ADAMTS16: variants seen among roughly 807,000 people sequenced by gnomAD.
ADAMTS16 encodes ADAM metallopeptidase with thrombospondin type 1 motif 16, also known as A disintegrin and metalloproteinase with thrombospondin motifs 16.
A neutral mutation model predicts 145.8 loss-of-function variants in ADAMTS16; 94 were observed. The ratio of observed to expected loss-of-function variants is 0.64; its 90% CI spans 0.55 to 0.77. The LOEUF is 0.77. Ranked by LOEUF, ADAMTS16 falls within the 30% of genes least tolerant of loss-of-function variation. ADAMTS16 has a pLI of 0.00. For missense variants in ADAMTS16, 1,585 were observed against 1,591.5 expected (o/e 1.00, Z 0.07); for synonymous variants, 659 against 604.3 (o/e 1.09, Z -1.33).
intron 21 of ADAMTS16, among the ~76,000 whole-genome samples, chr5:5,309,015 T>C (rs1334134087): frequency 6.6e-6 from 1 of 152,014 alleles, no homozygotes; most frequent in Non-Finnish European, 1.5e-5. Context: ...TTATCCAGAT[T>C]GCTTTGTTAT....
chr5:5,197,503 G>A (rs1484296200), intron 8 of ADAMTS16, among the ~76,000 whole-genome samples: 1 of 152,146 alleles, frequency 6.6e-6, no homozygotes, highest in African/African-American at 2.4e-5. Context: ...ATGGATAAGA[G>A]GCGTCTCTGT....
chr5:5,230,074 A>G (rs1035702683), intron 11 of ADAMTS16, among the ~76,000 whole-genome samples: 1 of 152,134 alleles, frequency 6.6e-6, no homozygotes, highest in Non-Finnish European at 1.5e-5. Flanking sequence ...AACCTAACCA[A>G]TGCCTTAGAT....
chr5:5,247,444 G>A (rs1737481426), intron 17 of ADAMTS16, among the ~76,000 whole-genome samples: 1 of 152,150 alleles, frequency 6.6e-6, no homozygotes, highest in South Asian at 2.1e-4. Context: ...TATTCCTCAG[G>A]GGCCTGGGCT....
intron 18 of ADAMTS16, among the ~76,000 whole-genome samples, chr5:5,286,885 A>T (rs4701697): frequency 1.9e-5 from 1 of 52,190 alleles, no homozygotes; most frequent in African/African-American, 5.2e-5. Context: ...AAAAAAAAAG[A>T]GTTTTTATAA....
At chr5:5,246,103 A>C (rs867862128) in intron 17 of ADAMTS16, among the ~76,000 whole-genome samples, 1 of 152,186 alleles carries the variant, frequency 6.6e-6, no homozygotes, top group Non-Finnish European at 1.5e-5. Flanking sequence ...TCAAAACATC[A>C]GTTTTTTCTC....
At chr5:5,293,666 G>A (rs990307033) in intron 18 of ADAMTS16, among the ~76,000 whole-genome samples, 5 of 152,156 alleles carry the variant, frequency 3.3e-5, no homozygotes, top group African/African-American at 4.8e-5. Flanking sequence ...GTGAGCTTGC[G>A]TTCCTTTCCT....
At chr5:5,206,361 G>A (rs1736113532) in intron 9 of ADAMTS16, among the ~76,000 whole-genome samples, 1 of 113,354 alleles carries the variant, frequency 8.8e-6, no homozygotes, top group Admixed American at 1.1e-4. Flanking sequence ...GGGAGGCGGA[G>A]CTTGCAGTGA....
intron 21 of ADAMTS16, among the ~76,000 whole-genome samples, chr5:5,307,120 C>T (rs768083743): frequency 3.9e-5 from 6 of 152,124 alleles, no homozygotes; most frequent in African/African-American, 4.8e-5. Context: ...GTTTCCTGAT[C>T]GGGTCGCTAG....
rs538608575 is a variant in ADAMTS16, at chr5:5,296,712, C to G, written c.2790-6556C>G. Among the ~76,000 whole-genome samples the G allele has an allele frequency of 2.0e-5, 3 of 152,258 alleles. No individual in the cohort carries two copies. In the South Asian group the frequency reaches 6.2e-4, roughly 32 times the overall value. ...CCAGGAATGTGCAGGTGTTTGAGAG[C>G]CCCACGGCAGCTGCCCCTTTGTGCT... is the stretch of plus-strand genomic sequence containing the variant. On this transcript the variant is annotated intron_variant, in intron 18 of 22. Coordinates refer to ENST00000274181, the MANE Select transcript of ADAMTS16 (RefSeq NM_139056.4).
At position 5,182,197 on chromosome 5, in the gene ADAMTS16, G is replaced by A. The variant is rs754691422; in HGVS notation, c.655G>A (p.Val219Ile). 3.7e-6 allele frequency: 6 copies of A among 1,614,160 alleles called. No homozygotes were observed. Among genetic ancestry groups the A allele is most frequent in the South Asian group, 3.3e-5 (3 of 91,082 alleles). Residue 219 changes from valine to isoleucine, a missense_variant, in exon 4 of 23, where the codon GTC (valine) becomes ATC (isoleucine). Physicochemically the swap from Val to Ile is conservative, Grantham distance 29. This residue lies in a region of ADAMTS16 where 453 missense variants were observed against 412.1 expected (regional missense o/e 1.10). Coordinates refer to ENST00000274181, the MANE Select transcript of ADAMTS16 (RefSeq NM_139056.4). ...GCCCCATGCTCCTGGGGCCAGTGAGGTCCTGGTGACCTCAAGGACATGGGA... is the reference window on the plus strand; with the variant it reads ...GCCCCATGCTCCTGGGGCCAGTGAGATCCTGGTGACCTCAAGGACATGGGA... ...TEPHAPGASE[V>I]LVTSRTWELA...
chr5:5,281,905 G>T (rs1188389987), intron 18 of ADAMTS16, among the ~76,000 whole-genome samples: 1 of 152,216 alleles, frequency 6.6e-6, no homozygotes, highest in Non-Finnish European at 1.5e-5. Context: ...TGATAAAAGT[G>T]AATAATGTGT....
chr5:5,181,298 T>G (rs534933439), intron 3 of ADAMTS16, among the ~76,000 whole-genome samples: 1 of 152,206 alleles, frequency 6.6e-6, no homozygotes, highest in Non-Finnish European at 1.5e-5. Context: ...GAATGTAAGA[T>G]TGCCTGCTTG....
chr5:5,256,961 G>A (rs1737804617), intron 17 of ADAMTS16, among the ~76,000 whole-genome samples: 1 of 152,186 alleles, frequency 6.6e-6, no homozygotes, highest in African/African-American at 2.4e-5. Flanking sequence ...TAGAAAAATA[G>A]TGTGGTTATT....
At chr5:5,186,282 G>T in intron 5 of ADAMTS16, 31 bp downstream of exon 5, 2 of 1,597,838 alleles carry the variant, frequency 1.3e-6, no homozygotes, top group Non-Finnish European at 8.5e-7. Context: ...GAGGCCACCT[G>T]TGTCATTGCA....
At chr5:5,189,897 G>T (rs1234463113) in intron 6 of ADAMTS16, 74 bp from the exon 7 acceptor site, 3 of 1,560,036 alleles carry the variant, frequency 1.9e-6, no homozygotes, top group African/African-American at 1.4e-5. Context: ...ATAATAGTTT[G>T]CTGTGATGAC....
chr5:5,190,149 G>A lies in ADAMTS16; in HGVS notation c.1207+19G>A. 3 of 1,558,806 alleles carry A rather than the reference G, an allele frequency of 1.9e-6. No homozygotes were observed. The highest frequency in any genetic ancestry group is 2.6e-6 in the Non-Finnish European group (3 of 1,152,844). On this transcript the variant is annotated intron_variant, in intron 7 of 22. Transcript: ENST00000274181. The stretch of plus-strand genomic sequence containing the variant: ...ACTTTGGGTGAGAACCTCCAGCAGA[G>A]TGTGAGGACCGTGTGTGGAATGTGC...
intron 10 of ADAMTS16, among the ~76,000 whole-genome samples, chr5:5,213,771 C>T (rs1398739813): frequency 6.6e-6 from 1 of 152,144 alleles, no homozygotes; most frequent in Non-Finnish European, 1.5e-5. Flanking sequence ...TCTAGTTTCT[C>T]CCAGCCCTAT....
rs1264208894 is a variant in ADAMTS16 at position 5,243,719 on chromosome 5, C to T, written c.2662+1528C>T. Among the ~76,000 whole-genome samples the T allele has an allele frequency of 3.3e-5, 5 of 152,268 alleles. No individual in the cohort carries two copies. In the South Asian group the frequency reaches 8.3e-4, roughly 25 times the overall value. ...AAATGTATAATGAATTCCATGGAAACATCTGTAGAGAATGGCCAGTCGATG... is the reference window on the plus strand; with the variant it reads ...AAATGTATAATGAATTCCATGGAAATATCTGTAGAGAATGGCCAGTCGATG... On this transcript the variant is annotated intron_variant, in intron 17 of 22. Coordinates refer to ENST00000274181, the MANE Select transcript of ADAMTS16 (RefSeq NM_139056.4).
intron 18 of ADAMTS16, among the ~76,000 whole-genome samples, chr5:5,279,182 T>C (rs995969437): frequency 6.6e-6 from 1 of 152,236 alleles, no homozygotes; most frequent in Non-Finnish European, 1.5e-5. Flanking sequence ...GTCTCTGCCA[T>C]GCTGAACACC....
Sources: gnomAD v4.1 joint callset for allele counts (sites outside exome capture counted in the v4.1 genomes callset) on GRCh38, gnomAD v4.1.1 for gene constraint, gnomAD v4.1.1 regional missense constraint, MANE v1.5 for transcripts, NCBI Gene and HGNC (gene_info 2026-07-23, HGNC 2026-07-21) for gene names.